Variants in MAST4 observed in about 807,000 individuals in gnomAD.
MAST4 encodes the protein microtubule associated serine/threonine kinase family member 4.
Under a neutral mutation model 162.7 loss-of-function variants are expected in MAST4, and 89 were observed. The ratio of observed to expected loss-of-function variants is 0.55; its 90% CI spans 0.46 to 0.65. MAST4 has a LOEUF of 0.65. Ranked by LOEUF, MAST4 falls within the 30% of genes least tolerant of loss-of-function variation. The probability of loss-of-function intolerance (pLI) is 0.00; values close to 1 mark genes in which losing one functional copy is unlikely to be tolerated. For synonymous variants in MAST4, 1,479 were observed against 1,361.1 expected (o/e 1.09, Z -1.91); for missense variants, 3,153 against 3,374.0 (o/e 0.93, Z 1.62).
intron 4 of MAST4, among the ~76,000 whole-genome samples, chr5:66,941,898 T>TG (rs1743412037): frequency 6.6e-6 from 1 of 152,040 alleles, no homozygotes; most frequent in Non-Finnish European, 1.5e-5. Context: ...AGGAAAGAGA[T>TG]GGGGGAACGG....
chr5:66,981,169 A>C (rs1358521557), intron 4 of MAST4, among the ~76,000 whole-genome samples: 2 of 130,622 alleles, frequency 1.5e-5, no homozygotes, highest in African/African-American at 5.9e-5. Context: ...TTTGAGTGGC[A>C]CCACTTATTT....
intron 1 of MAST4, among the ~76,000 whole-genome samples, chr5:66,688,945 T>C (rs1748865885): frequency 6.6e-6 from 1 of 152,186 alleles, no homozygotes. Flanking sequence ...TGAAAAGCCC[T>C]ACATTTACAA....
intron 4 of MAST4, among the ~76,000 whole-genome samples, chr5:67,052,371 T>G (rs1758291802): frequency 6.6e-6 from 1 of 152,126 alleles, no homozygotes; most frequent in Non-Finnish European, 1.5e-5. Flanking sequence ...TTTTTTTGAA[T>G]CACATTTTTG....
chr5:66,955,274 A>G (rs959573432), intron 4 of MAST4, among the ~76,000 whole-genome samples: 2 of 151,734 alleles, frequency 1.3e-5, no homozygotes, highest in Non-Finnish European at 2.9e-5. Context: ...AGGGTCAAGC[A>G]AGATGTAAAG....
chr5:66,829,176 C>T (rs1307260204), intron 3 of MAST4, among the ~76,000 whole-genome samples: 1 of 151,608 alleles, frequency 6.6e-6, no homozygotes, highest in Non-Finnish European at 1.5e-5. Flanking sequence ...ACAGCTGATG[C>T]ACTGATCTGG....
At chr5:66,623,499 T>C (rs1744210770) in intron 1 of MAST4, among the ~76,000 whole-genome samples, 1 of 152,238 alleles carries the variant, frequency 6.6e-6, no homozygotes, top group Admixed American at 6.5e-5. Context: ...ACATACAATA[T>C]GATATGCCAC....
intron 1 of MAST4, among the ~76,000 whole-genome samples, chr5:66,652,406 T>C (rs1258843437): frequency 6.6e-6 from 1 of 152,218 alleles, no homozygotes; most frequent in African/African-American, 2.4e-5. Context: ...CTAATGAACA[T>C]TTAAATTAAA....
intron 13 of MAST4, 28 bp downstream of exon 13, chr5:67,118,777 T>A (rs780895422): frequency 7.2e-7 from 1 of 1,392,524 alleles, no homozygotes; most frequent in South Asian, 1.3e-5. Context: ...TGAAATATGA[T>A]GTTGGTTTTT....
intron 3 of MAST4, among the ~76,000 whole-genome samples, chr5:66,825,261 GACACAC>G (rs56076405): frequency 0.16 from 22,047 of 135,178 alleles, 1,715 homozygotes; most frequent in Non-Finnish European, 0.18. Context: ...TAAAAACTAA[GACACAC>G]ACACACACAC....
At chr5:66,868,942 A>G (rs1026491416) in intron 3 of MAST4, among the ~76,000 whole-genome samples, 2 of 152,216 alleles carry the variant, frequency 1.3e-5, no homozygotes, top group Non-Finnish European at 2.9e-5. Context: ...TAATTAAAAA[A>G]TAAAATAACA....
At chr5:66,968,154 A>C (rs988922525) in intron 4 of MAST4, among the ~76,000 whole-genome samples, 12 of 152,298 alleles carry the variant, frequency 7.9e-5, no homozygotes, top group African/African-American at 2.4e-4. Context: ...CTCAGTGGCC[A>C]AGTTTCTATT....
intron 1 of MAST4, among the ~76,000 whole-genome samples, chr5:66,713,475 A>G (rs976237657): frequency 2.6e-5 from 4 of 152,220 alleles, no homozygotes; most frequent in African/African-American, 9.6e-5. Context: ...TACCTGGCTT[A>G]TGTTGAGTAT....
At chr5:66,722,554 G>C (rs991566512) in intron 1 of MAST4, among the ~76,000 whole-genome samples, 1 of 151,864 alleles carries the variant, frequency 6.6e-6, no homozygotes, top group Admixed American at 6.6e-5. Context: ...TCCCAGCAGG[G>C]TAGGGATCTG....
At chr5:67,156,149 G>A (rs1027633714) in intron 26 of MAST4, among the ~76,000 whole-genome samples, 2 of 151,922 alleles carry the variant, frequency 1.3e-5, no homozygotes, top group African/African-American at 4.8e-5. Context: ...ATGGTTTTAC[G>A]GGAATAAACG....
At chr5:66,986,246 G>A (rs544651697) in intron 4 of MAST4, among the ~76,000 whole-genome samples, 24 of 152,268 alleles carry the variant, frequency 1.6e-4, no homozygotes, top group South Asian at 2.1e-4. Context: ...TCCCTGGGGA[G>A]CACAGAGCTG....
chr5:66,861,385 C>T (rs1478433788), intron 3 of MAST4, among the ~76,000 whole-genome samples: 2 of 152,180 alleles, frequency 1.3e-5, no homozygotes, highest in Admixed American at 6.5e-5. Context: ...ACTCATGCCA[C>T]GGATGTGCTG....
At chr5:67,151,574 A>T (rs1346841952) in intron 24 of MAST4, among the ~76,000 whole-genome samples, 3 of 152,176 alleles carry the variant, frequency 2.0e-5, no homozygotes, top group African/African-American at 7.2e-5. Context: ...GGTGTTTTGG[A>T]ATATGCAATG....
chr5:66,940,232 G>A (rs907027692), intron 4 of MAST4, among the ~76,000 whole-genome samples: 1 of 152,090 alleles, frequency 6.6e-6, no homozygotes, highest in Non-Finnish European at 1.5e-5. Context: ...TGATGTTGAT[G>A]GCTGTTGATT....
intron 4 of MAST4, among the ~76,000 whole-genome samples, chr5:66,938,457 T>G (rs1421544540): frequency 6.6e-6 from 1 of 152,198 alleles, no homozygotes; most frequent in Non-Finnish European, 1.5e-5. Flanking sequence ...ACCTGTATCT[T>G]TTAATCAGAA....
Sources: gnomAD v4.1 joint callset for allele counts (sites outside exome capture counted in the v4.1 genomes callset) on GRCh38, gnomAD v4.1.1 for gene constraint, MANE v1.5 for transcripts, NCBI Gene and HGNC (gene_info 2026-07-23, HGNC 2026-07-21) for gene names.